ANO2: variants seen among roughly 807,000 people sequenced by gnomAD.
ANO2 encodes the protein anoctamin-2.
Under a neutral mutation model 124.2 loss-of-function variants are expected in ANO2, and 101 were observed. That is an observed-to-expected ratio of 0.81 (90% CI 0.69 to 0.96). The LOEUF is 0.96. ANO2 is among the 40% of genes least tolerant of loss of function. The pLI is 0.00. For synonymous variants in ANO2, 486 were observed against 482.5 expected (o/e 1.01, Z -0.09); for missense variants, 1,293 against 1,274.5 (o/e 1.01, Z -0.22).
At chr12:5,741,468 A>G (rs1591553730) in intron 12 of ANO2, among the ~76,000 whole-genome samples, 1 of 152,220 alleles carries the variant, frequency 6.6e-6, no homozygotes, top group African/African-American at 2.4e-5. Flanking sequence ...GATACTAAGA[A>G]TGGTAGTAAG....
At position 5,612,769 on chromosome 12, in the gene ANO2, G is replaced by C; in HGVS notation, c.1987-13C>G. ...CCCCTGGAGCACACTGCAGGGAGAA[G>C]ATAAGGAAAGGACCGGTTAGAACAA... On this transcript the variant is annotated splice_polypyrimidine_tract_variant and intron_variant, in intron 18 of 24. Coordinates refer to ENST00000682330, the MANE Select transcript of ANO2 (RefSeq NM_001364791.2). 3 of 1,613,504 alleles carry C rather than the reference G, an allele frequency of 1.9e-6. No homozygotes were observed. The highest frequency in any genetic ancestry group is 2.5e-6 in the Non-Finnish European group (3 of 1,179,502).
intron 10 of ANO2, among the ~76,000 whole-genome samples, chr12:5,781,260 T>C (rs1167790838): frequency 6.6e-6 from 1 of 152,208 alleles, no homozygotes; most frequent in East Asian, 1.9e-4. Flanking sequence ...GGGCTCTCAT[T>C]TGGAGAAATC....
intron 7 of ANO2, 86 bp from the exon 8 acceptor site, chr12:5,807,454 C>A: frequency 8.6e-7 from 1 of 1,156,662 alleles, no homozygotes; most frequent in Admixed American, 2.2e-5. Context: ...TAAGCTTTCA[C>A]ATGCCCCCCC....
In ANO2 at chr12:5,871,953, G is replaced by A. The variant is rs1040011248; in HGVS notation, c.535-17812C>T. Among the ~76,000 whole-genome samples, 3 of 152,110 alleles carry A rather than the reference G, an allele frequency of 2.0e-5. No individual in the cohort carries two copies. In the South Asian group the frequency reaches 6.2e-4, roughly 32 times the overall value. Reference sequence around the variant, plus strand: ...CAGGCCTTCCCACAGCACATGCTCAGGAAAGCTGCATGAATGTTTCTGAGA... The same window carrying A: ...CAGGCCTTCCCACAGCACATGCTCAAGAAAGCTGCATGAATGTTTCTGAGA... On this transcript the variant is annotated intron_variant, in intron 3 of 24. Transcript: ENST00000682330.
At chr12:5,939,212 A>AC (rs1942791203) in intron 1 of ANO2, among the ~76,000 whole-genome samples, 4 of 129,164 alleles carry the variant, frequency 3.1e-5, no homozygotes, top group Non-Finnish European at 4.9e-5. Context: ...CAAGACTCCA[A>AC]CAAAAAAAAA....
At chr12:5,619,230 C>G (rs775156971) in intron 16 of ANO2, among the ~76,000 whole-genome samples, 115 of 152,188 alleles carry the variant, frequency 7.6e-4, no homozygotes, top group Non-Finnish European at 1.8e-4. Context: ...GGATTGAGAA[C>G]TGTAGTGAAT....
chr12:5,628,373 C>A (rs1045106751), intron 16 of ANO2, among the ~76,000 whole-genome samples: 7 of 152,180 alleles, frequency 4.6e-5, no homozygotes, highest in Non-Finnish European at 7.3e-5. Context: ...CTTCTGGAAC[C>A]TTTGTGGTGT....
intron 14 of ANO2, among the ~76,000 whole-genome samples, chr12:5,675,413 G>A (rs1306805285): frequency 6.6e-6 from 1 of 152,148 alleles, no homozygotes; most frequent in Admixed American, 6.5e-5. Context: ...GGACTTCTTA[G>A]TCTCAGTCTC....
intron 10 of ANO2, among the ~76,000 whole-genome samples, chr12:5,770,164 C>A (rs963442791): frequency 1.3e-5 from 2 of 152,206 alleles, no homozygotes; most frequent in Non-Finnish European, 2.9e-5. Flanking sequence ...AAATGCCTTA[C>A]AGGAGTTCAT....
intron 14 of ANO2, among the ~76,000 whole-genome samples, chr12:5,675,636 C>G (rs1057313839): frequency 6.6e-6 from 1 of 152,218 alleles, no homozygotes; most frequent in Non-Finnish European, 1.5e-5. Flanking sequence ...GCCTTGCTGT[C>G]GTCAGTTCTC....
At chr12:5,725,097 T>TCA (rs35973206) in intron 14 of ANO2, among the ~76,000 whole-genome samples, 17,479 of 143,370 alleles carry the variant, frequency 0.12, 1,135 homozygotes, top group African/African-American at 0.14. Context: ...TGTCTCCCTC[T>TCA]CACACACACA....
intron 10 of ANO2, among the ~76,000 whole-genome samples, chr12:5,755,670 C>T (rs1005183761): frequency 1.3e-5 from 2 of 151,914 alleles, no homozygotes; most frequent in Admixed American, 6.6e-5. Flanking sequence ...GTTTTTTGTC[C>T]TTCTGATAGG....
intron 20 of ANO2, among the ~76,000 whole-genome samples, chr12:5,592,351 C>T (rs758434635): frequency 4.6e-5 from 7 of 152,056 alleles, no homozygotes; most frequent in Non-Finnish European, 8.8e-5. Context: ...AAGAGAAAAA[C>T]TGAGGATGGG....
chr12:5,782,369 G>A (rs557562934), intron 10 of ANO2, among the ~76,000 whole-genome samples: 1 of 152,130 alleles, frequency 6.6e-6, no homozygotes, highest in Non-Finnish European at 1.5e-5. Flanking sequence ...ATTGGGTATT[G>A]CATTTTTATT....
intron 19 of ANO2, among the ~76,000 whole-genome samples, chr12:5,610,861 A>ACACACACCC (rs1565472341): frequency 2.4e-5 from 2 of 82,226 alleles, no homozygotes; most frequent in African/African-American, 7.2e-5. Context: ...CACACACACA[A>ACACACACCC]CCCTAAGGGA....
At chr12:5,768,052 C>T (rs1951951402) in intron 10 of ANO2, among the ~76,000 whole-genome samples, 2 of 152,190 alleles carry the variant, frequency 1.3e-5, no homozygotes, top group Admixed American at 1.3e-4. Context: ...TCCTGACCTA[C>T]TATCTGGGCA....
chr12:5,761,016 C>T (rs1856275998), intron 10 of ANO2, among the ~76,000 whole-genome samples: 1 of 144,998 alleles, frequency 6.9e-6, no homozygotes, highest in South Asian at 2.3e-4. Context: ...TGTAGTAAAA[C>T]TTCATCAGCT....
intron 3 of ANO2, among the ~76,000 whole-genome samples, chr12:5,859,182 G>A (rs1449591620): frequency 6.6e-6 from 1 of 152,174 alleles, no homozygotes; most frequent in Admixed American, 6.5e-5. Context: ...ACTTCAGTTC[G>A]TGTAAAATGA....
intron 4 of ANO2, among the ~76,000 whole-genome samples, chr12:5,842,668 A>C (rs1954551968): frequency 6.6e-6 from 1 of 152,186 alleles, no homozygotes; most frequent in Non-Finnish European, 1.5e-5. Context: ...TGCTGCTGAT[A>C]AAACGGTTTA....
Sources: allele counts gnomAD v4.1 joint callset (sites outside exome capture counted in the v4.1 genomes callset), GRCh38; gene constraint gnomAD v4.1.1; transcripts MANE v1.5; gene names NCBI Gene and HGNC (gene_info 2026-07-23, HGNC 2026-07-21).